Variants in SOBP observed in about 807,000 individuals in gnomAD.
SOBP encodes the protein sine oculis binding protein homolog.
Under a neutral mutation model 53.6 loss-of-function variants are expected in SOBP, and 4 were observed. That is an observed-to-expected ratio of 0.07 (90% CI 0.04 to 0.17). The LOEUF (loss-of-function observed/expected upper bound fraction) is 0.17, where lower values mean the gene tolerates loss of function less well. Ranked by LOEUF, SOBP falls within the 10% of genes least tolerant of loss-of-function variation. The probability of loss-of-function intolerance (pLI) is 1.00; values close to 1 mark genes in which losing one functional copy is unlikely to be tolerated. For synonymous variants in SOBP, 584 were observed against 522.6 expected (o/e 1.12, Z -1.60); for missense variants, 1,088 against 1,204.7 (o/e 0.90, Z 1.43).
At position 107,490,444 on chromosome 6, in the gene SOBP, C is replaced by T. The variant is rs1389114569; in HGVS notation, c.-173C>T. On this transcript the variant is annotated 5_prime_UTR_variant, in exon 1 of 7. Transcript: ENST00000317357. ...GACGTCCTCCGCCGCTAGAAGAGAC[C>T]CCGCTTCTCGGCGCCTGCCCTCCCC... is the stretch of plus-strand genomic sequence containing the variant. 7 of 581,908 alleles carry T rather than the reference C, an allele frequency of 1.2e-5. No individual in the cohort carries two copies. Among genetic ancestry groups the T allele is most frequent in the African/African-American group, 1.9e-5 (1 of 52,230 alleles). 36.0% of individuals were successfully genotyped at this position (581,908 alleles called of 1,614,324 possible). A position where few individuals can be genotyped will look rare whatever the true frequency, so the allele number is the denominator to read the frequency against.
intron 6 of SOBP, among the ~76,000 whole-genome samples, chr6:107,649,227 A>G (rs1771695758): frequency 6.7e-6 from 1 of 148,366 alleles, no homozygotes; most frequent in Non-Finnish European, 1.5e-5. Context: ...TAATCCCAGC[A>G]CTTTGCAAGG....
chr6:107,628,729 A>G (rs1234089019), intron 5 of SOBP, among the ~76,000 whole-genome samples: 2 of 152,206 alleles, frequency 1.3e-5, no homozygotes, highest in African/African-American at 4.8e-5. Context: ...TTGATTCTAA[A>G]TCCCATGTGA....
intron 5 of SOBP, among the ~76,000 whole-genome samples, chr6:107,598,067 C>T (rs1786012337): frequency 6.6e-6 from 1 of 152,040 alleles, no homozygotes; most frequent in South Asian, 2.1e-4. Flanking sequence ...TGCTGTCTCC[C>T]CAGGGCTGGG....
chr6:107,500,739 A>G (rs189159125), intron 1 of SOBP, among the ~76,000 whole-genome samples: 44 of 152,126 alleles, frequency 2.9e-4, no homozygotes, highest in Admixed American at 1.7e-3. Context: ...GTTAGCCAGG[A>G]TGGTCTCGAT....
intron 3 of SOBP, among the ~76,000 whole-genome samples, chr6:107,516,108 A>G (rs980957668): frequency 6.6e-6 from 1 of 152,176 alleles, no homozygotes; most frequent in Non-Finnish European, 1.5e-5. Context: ...CTCCACAGCC[A>G]ATATTACGTA....
intron 6 of SOBP, among the ~76,000 whole-genome samples, chr6:107,638,092 C>T (rs1326779107): frequency 6.6e-6 from 1 of 152,244 alleles, no homozygotes; most frequent in Non-Finnish European, 1.5e-5. Context: ...ACCTCTCCTC[C>T]ACTAAATCAC....
intron 4 of SOBP, among the ~76,000 whole-genome samples, chr6:107,554,510 C>T (rs546519377): frequency 2.0e-5 from 3 of 152,148 alleles, no homozygotes; most frequent in Non-Finnish European, 4.4e-5. Flanking sequence ...AAACTGTCAG[C>T]CCATTAAGTG....
chr6:107,596,495 C>T (rs1336165179), intron 5 of SOBP, among the ~76,000 whole-genome samples: 2 of 152,208 alleles, frequency 1.3e-5, no homozygotes, highest in African/African-American at 4.8e-5. Context: ...TGGCCTCTGG[C>T]TATCTTGGCT....
At chr6:107,637,372 G>A (rs568865604) in intron 6 of SOBP, among the ~76,000 whole-genome samples, 1 of 152,320 alleles carries the variant, frequency 6.6e-6, no homozygotes, top group South Asian at 2.1e-4. Flanking sequence ...AGCCACCATC[G>A]TTCGAGGTTT....
chr6:107,561,169 A>G (rs915468481), intron 4 of SOBP, among the ~76,000 whole-genome samples: 3 of 152,190 alleles, frequency 2.0e-5, no homozygotes, highest in African/African-American at 7.2e-5. Context: ...CTGAGATGGT[A>G]GATGGATGTT....
chr6:107,571,854 G>A (rs979824418), intron 4 of SOBP, among the ~76,000 whole-genome samples: 1 of 152,182 alleles, frequency 6.6e-6, no homozygotes, highest in Non-Finnish European at 1.5e-5. Flanking sequence ...TCAGATTCTA[G>A]TGCACAGGAA....
At chr6:107,655,957 G>T (rs188821800) in intron 6 of SOBP, among the ~76,000 whole-genome samples, 1 of 152,076 alleles carries the variant, frequency 6.6e-6, no homozygotes, top group Non-Finnish European at 1.5e-5. Context: ...TCAAAATGGC[G>T]GTGTTTCCCA....
At chr6:107,656,321 AAGAAAGAAAGAAAGAAAGAAAGAG>A (rs1772047917) in intron 6 of SOBP, among the ~76,000 whole-genome samples, 1 of 30,754 alleles carries the variant, frequency 3.3e-5, no homozygotes, top group East Asian at 7.3e-4. Flanking sequence ...GAAAGAAAGA[AAGAAAGAAAGAAAGAAAGAAAGAG>A]AAAGAAAGAA....
In SOBP at chr6:107,490,522, C is replaced by T. The variant is rs2114926685; in HGVS notation, c.-95C>T. The T allele has an allele frequency of 1.2e-6, 1 of 854,898 alleles. No individual in the cohort carries two copies. Among genetic ancestry groups the T allele is most frequent in the Non-Finnish European group, 1.9e-6 (1 of 523,134 alleles). 53.0% of individuals were successfully genotyped at this position (854,898 alleles called of 1,614,324 possible). A position where few individuals can be genotyped will look rare whatever the true frequency, so the allele number is the denominator to read the frequency against. ...ACCGCTACCTCCGCCAGCCTCGCCACCATCAGCACCACCTCCACCGCCGCC... is the reference window on the plus strand; with the variant it reads ...ACCGCTACCTCCGCCAGCCTCGCCATCATCAGCACCACCTCCACCGCCGCC... On this transcript the variant is annotated 5_prime_UTR_variant, in exon 1 of 7. Coordinates refer to ENST00000317357, the MANE Select transcript of SOBP (RefSeq NM_018013.4).
intron 1 of SOBP, among the ~76,000 whole-genome samples, chr6:107,496,063 GGTAA>G (rs1754472263): frequency 6.6e-6 from 1 of 152,120 alleles, no homozygotes; most frequent in African/African-American, 2.4e-5. Context: ...GAAAGCATGT[GGTAA>G]GTGAGATTTG....
chr6:107,628,861 G>A (rs951489218), intron 5 of SOBP, among the ~76,000 whole-genome samples: 2 of 152,222 alleles, frequency 1.3e-5, no homozygotes, highest in East Asian at 3.8e-4. Flanking sequence ...CTGGGAGCAA[G>A]TGCTCAGGTG....
chr6:107,496,658 C>G (rs1782706016), intron 1 of SOBP, among the ~76,000 whole-genome samples: 1 of 152,134 alleles, frequency 6.6e-6, no homozygotes, highest in African/African-American at 2.4e-5. Flanking sequence ...GGCTCGAAAG[C>G]TGTAGTTCAG....
intron 4 of SOBP, among the ~76,000 whole-genome samples, chr6:107,567,753 T>A (rs1784959054): frequency 6.6e-6 from 1 of 152,208 alleles, no homozygotes; most frequent in African/African-American, 2.4e-5. Flanking sequence ...AGGAAGTCAT[T>A]TCTTGATCCA....
intron 6 of SOBP, among the ~76,000 whole-genome samples, chr6:107,651,487 A>G (rs1331212778): frequency 1.3e-5 from 2 of 152,230 alleles, no homozygotes; most frequent in African/African-American, 4.8e-5. Flanking sequence ...TTTTGAAGCT[A>G]GCAGAGGTTG....
Sources: gnomAD v4.1 joint callset for allele counts (sites outside exome capture counted in the v4.1 genomes callset) on GRCh38, gnomAD v4.1.1 for gene constraint, MANE v1.5 for transcripts, NCBI Gene and HGNC (gene_info 2026-07-23, HGNC 2026-07-21) for gene names.